Variants in NOL4L observed in about 807,000 individuals in gnomAD.
NOL4L encodes nucleolar protein 4 like.
A neutral mutation model predicts 64.5 loss-of-function variants in NOL4L; 7 were observed. That is an observed-to-expected ratio of 0.11 (90% CI 0.06 to 0.20). The LOEUF (loss-of-function observed/expected upper bound fraction) is 0.20, where lower values mean the gene tolerates loss of function less well. NOL4L is among the 10% of genes least tolerant of loss of function. The probability of loss-of-function intolerance (pLI) is 1.00; values close to 1 mark genes in which losing one functional copy is unlikely to be tolerated. For missense variants in NOL4L, 680 were observed against 967.1 expected, an observed-to-expected ratio of 0.70 and a Z score of 3.94; for synonymous variants, 413 against 401.0, an observed-to-expected ratio of 1.03 and a Z score of -0.36.
intron 1 of NOL4L, among the ~76,000 whole-genome samples, chr20:32,581,346 C>T (rs1409394827): frequency 1.3e-5 from 2 of 152,142 alleles, no homozygotes; most frequent in Non-Finnish European, 2.9e-5. Flanking sequence ...GCCCTGGGCC[C>T]GTCCGGACAG....
At chr20:32,517,846 G>A (rs928171036) in intron 3 of NOL4L, among the ~76,000 whole-genome samples, 6 of 152,184 alleles carry the variant, frequency 3.9e-5, no homozygotes, top group Non-Finnish European at 7.4e-5. Context: ...TGAAAGGATG[G>A]CATTCCTTCC....
rs976290786 is a variant in NOL4L at position 32,552,577 on chromosome 20, C to T, written c.322-24664G>A. Reference sequence around the variant, plus strand: ...TGGTGGACGCCTGTAATCCCAGCTACTTGGGAGGCTGAGGCAGGAGAATCA... The same window carrying T: ...TGGTGGACGCCTGTAATCCCAGCTATTTGGGAGGCTGAGGCAGGAGAATCA... On this transcript the variant is annotated intron_variant, in intron 1 of 10. Transcript: ENST00000621426. Among the ~76,000 whole-genome samples, 15 of 152,102 alleles carry T rather than the reference C, an allele frequency of 9.9e-5. 1 individual carries two copies. Among genetic ancestry groups the T allele is most frequent in the African/African-American group, 3.6e-4 (15 of 41,400 alleles).
intron 4 of NOL4L, among the ~76,000 whole-genome samples, chr20:32,487,220 A>T (rs915057103): frequency 2.6e-5 from 4 of 152,162 alleles, no homozygotes; most frequent in Admixed American, 6.5e-5. Context: ...GTGAGCCGAG[A>T]TCATACCGTT....
chr20:32,582,651 G>C (rs1022239289), intron 1 of NOL4L, among the ~76,000 whole-genome samples: 1 of 135,066 alleles, frequency 7.4e-6, no homozygotes, highest in Non-Finnish European at 1.6e-5. Context: ...AGAAGGTTGG[G>C]CCAAGGCTTC....
chr20:32,546,919 G>C (rs1003827200), intron 1 of NOL4L, among the ~76,000 whole-genome samples: 2 of 152,208 alleles, frequency 1.3e-5, no homozygotes, highest in Non-Finnish European at 2.9e-5. Context: ...CAAAGTAGGT[G>C]CCCAGGAAAC....
At chr20:32,507,371 T>C (rs988772707) in intron 4 of NOL4L, among the ~76,000 whole-genome samples, 2 of 152,196 alleles carry the variant, frequency 1.3e-5, no homozygotes, top group East Asian at 1.9e-4. Flanking sequence ...GCCTTGTACA[T>C]TGAGGACACT....
intron 4 of NOL4L, among the ~76,000 whole-genome samples, chr20:32,505,217 C>T (rs1416661186): frequency 1.3e-5 from 2 of 152,064 alleles, no homozygotes; most frequent in Admixed American, 6.5e-5. Context: ...TGTGTCTGCC[C>T]ATATTTTGGG....
At chr20:32,569,513 A>C (rs748472148) in intron 1 of NOL4L, among the ~76,000 whole-genome samples, 2 of 152,124 alleles carry the variant, frequency 1.3e-5, no homozygotes, top group African/African-American at 2.4e-5. Flanking sequence ...AGTGATGGAA[A>C]AGGCCTTGCA....
intron 4 of NOL4L, among the ~76,000 whole-genome samples, chr20:32,484,090 A>T (rs975216413): frequency 1.5e-4 from 23 of 151,874 alleles, no homozygotes; most frequent in African/African-American, 5.6e-4. Flanking sequence ...AGGCCAGGAG[A>T]GGGAGACTTG....
chr20:32,563,134 C>A (rs111353087), intron 1 of NOL4L, among the ~76,000 whole-genome samples: 5 of 224 alleles, frequency 0.022, no homozygotes, highest in Admixed American at 0.083. Context: ...GGCAGGGAGG[C>A]TGGAGGGAGG....
intron 1 of NOL4L, among the ~76,000 whole-genome samples, chr20:32,531,136 A>G (rs1472706072): frequency 6.6e-6 from 1 of 152,236 alleles, no homozygotes; most frequent in African/African-American, 2.4e-5. Flanking sequence ...ACCTGAATCC[A>G]GAGGCATAGC....
intron 1 of NOL4L, among the ~76,000 whole-genome samples, chr20:32,565,602 T>C (rs73906158): frequency 6.6e-6 from 1 of 151,946 alleles, no homozygotes; most frequent in African/African-American, 2.4e-5. Context: ...AAGTCACACA[T>C]CCTCTCCAGG....
chr20:32,469,202 G>A (rs1034272026), intron 5 of NOL4L, among the ~76,000 whole-genome samples: 2 of 152,124 alleles, frequency 1.3e-5, no homozygotes, highest in Non-Finnish European at 2.9e-5. Flanking sequence ...CCACATCAGT[G>A]TCAGGGAGGC....
chr20:32,567,949 C>T (rs1321567325), intron 1 of NOL4L, among the ~76,000 whole-genome samples: 1 of 151,990 alleles, frequency 6.6e-6, no homozygotes, highest in African/African-American at 2.4e-5. Flanking sequence ...CCATCACCAT[C>T]ATCTTCATCA....
intron 1 of NOL4L, among the ~76,000 whole-genome samples, chr20:32,564,298 C>T (rs190177092): frequency 9.2e-5 from 14 of 152,330 alleles, no homozygotes; most frequent in African/African-American, 3.1e-4. Context: ...ATGATTCCCA[C>T]GAACGTTCCA....
chr20:32,584,269 CG>C lies in NOL4L; in HGVS notation c.321+300del, dbSNP rs1193704233. Among the ~76,000 whole-genome samples the C allele has an allele frequency of 1.5e-4, 23 of 151,102 alleles. No homozygotes were observed. The East Asian group carries it at 4.6e-3, about 30-fold the overall frequency. ...GGGCTCCAGAGCAGCCGCCTGCTGG[CG>C]GGGGGAGGGGACAAGAGGACGGAAC... On this transcript the variant is annotated intron_variant, in intron 1 of 10. Coordinates refer to ENST00000621426, the MANE Select transcript of NOL4L (RefSeq NM_001256798.2).
rs2012376102 is a variant in NOL4L, at chr20:32,447,273, A to T, written c.*323T>A. The T allele has an allele frequency of 1.8e-6, 1 of 558,186 alleles. No homozygotes were observed. 34.6% of individuals were successfully genotyped at this position (558,186 alleles called of 1,614,324 possible). On this transcript the variant is annotated 3_prime_UTR_variant, in exon 11 of 11. Coordinates refer to ENST00000621426, the MANE Select transcript of NOL4L (RefSeq NM_001256798.2). ...AATTATCTGGGGGTGGGATTCTAACATCAGGGTCCACGAAGGTGATTCTAA... is the reference window on the plus strand; with the variant it reads ...AATTATCTGGGGGTGGGATTCTAACTTCAGGGTCCACGAAGGTGATTCTAA...
chr20:32,483,461 TGCC>T, intron 4 of NOL4L: 1 of 990,134 alleles, frequency 1.0e-6, no homozygotes, highest in Non-Finnish European at 1.2e-6. Context: ...CTGCTGCTGC[TGCC>T]GCCGCGGCTG....
intron 1 of NOL4L, among the ~76,000 whole-genome samples, chr20:32,576,373 A>C (rs898808984): frequency 6.6e-6 from 1 of 152,094 alleles, no homozygotes; most frequent in Non-Finnish European, 1.5e-5. Flanking sequence ...AGGATTTGCA[A>C]ATGGGTTGGA....
Sources: allele counts gnomAD v4.1 joint callset (sites outside exome capture counted in the v4.1 genomes callset), GRCh38; gene constraint gnomAD v4.1.1; transcripts MANE v1.5; gene names NCBI Gene and HGNC (gene_info 2026-07-23, HGNC 2026-07-21).